ARL15: variants seen among roughly 807,000 people sequenced by gnomAD.
ARL15 encodes ADP-ribosylation factor-like protein 15.
ARL15 carries 19 observed loss-of-function variants against 25.2 expected under a neutral mutation model. The observed-to-expected ratio is 0.75, with a 90% confidence interval of 0.53 to 1.10. The LOEUF is 1.10. Among genes scored for constraint, ARL15 ranks in the 50% least tolerant of loss-of-function variants. The probability of loss-of-function intolerance (pLI) is 0.00; values close to 1 mark genes in which losing one functional copy is unlikely to be tolerated. For synonymous variants in ARL15, 94 were observed against 86.8 expected (o/e 1.08, Z -0.46); for missense variants, 220 against 246.0 (o/e 0.89, Z 0.71).
rs753138067 is a variant in ARL15, at chr5:54,059,212, C to T, written c.462+53990G>A. ...AATAGAAACACAGGAATTAAGTCAG[C>T]CAAGTGATATAACATGGCTACTTCC... On this transcript the variant is annotated intron_variant, in intron 4 of 4. Coordinates refer to ENST00000504924, the MANE Select transcript of ARL15 (RefSeq NM_019087.3). Among the ~76,000 whole-genome samples the T allele has an allele frequency of 3.5e-4, 53 of 152,154 alleles. 1 individual carries two copies. Among genetic ancestry groups the T allele is most frequent in the Admixed American group, 2.6e-4 (4 of 15,274 alleles).
At chr5:54,080,091 T>C (rs573766819) in intron 4 of ARL15, among the ~76,000 whole-genome samples, 119 of 152,294 alleles carry the variant, frequency 7.8e-4, no homozygotes, top group African/African-American at 2.7e-3. Flanking sequence ...GAGCACTTTC[T>C]ATGAACAAGG....
chr5:53,967,936 C>T (rs1265617709), intron 4 of ARL15, among the ~76,000 whole-genome samples: 1 of 152,086 alleles, frequency 6.6e-6, no homozygotes, highest in African/African-American at 2.4e-5. Flanking sequence ...AGAAGTAGTC[C>T]TGTAAAAAGC....
chr5:54,208,051 C>A (rs776110732), intron 1 of ARL15, among the ~76,000 whole-genome samples: 15 of 152,108 alleles, frequency 9.9e-5, no homozygotes, highest in Non-Finnish European at 2.1e-4. Context: ...GCTTCCCCCA[C>A]CACTGAGGCC....
At position 54,011,879 on chromosome 5, in the gene ARL15, C is replaced by T. The variant is rs192149664; in HGVS notation, c.462+101323G>A. 5.4e-3 allele frequency among the ~76,000 whole-genome samples: 818 copies of T among 152,076 alleles called. 3 individuals carry two copies. The highest frequency in any genetic ancestry group is 0.011 in the Admixed American group (167 of 15,278). Reference sequence around the variant, plus strand: ...CAAAAATTAGCTGCGTGTGGTGGCACGCACCTGTAGTCCCAGCTACTGGGG... The same window carrying T: ...CAAAAATTAGCTGCGTGTGGTGGCATGCACCTGTAGTCCCAGCTACTGGGG... On this transcript the variant is annotated intron_variant, in intron 4 of 4. Transcript: ENST00000504924.
chr5:54,188,856 T>C (rs1755315309), intron 1 of ARL15, among the ~76,000 whole-genome samples: 1 of 152,172 alleles, frequency 6.6e-6, no homozygotes, highest in Non-Finnish European at 1.5e-5. Context: ...AGCTCTCTTT[T>C]TAATCCTATT....
chr5:54,086,174 A>G (rs1023621523), intron 4 of ARL15, among the ~76,000 whole-genome samples: 1 of 152,130 alleles, frequency 6.6e-6, no homozygotes, highest in South Asian at 2.1e-4. Flanking sequence ...TCGGCCTTCC[A>G]AAGTGCTGGG....
At chr5:53,975,004 G>A (rs1747880992) in intron 4 of ARL15, among the ~76,000 whole-genome samples, 1 of 152,188 alleles carries the variant, frequency 6.6e-6, no homozygotes, top group South Asian at 2.1e-4. Flanking sequence ...CAAAGGTGCT[G>A]TGAAGGAGGC....
chr5:54,110,677 T>C (rs752953859), intron 4 of ARL15, among the ~76,000 whole-genome samples: 5 of 152,070 alleles, frequency 3.3e-5, no homozygotes, highest in Admixed American at 6.6e-5. Context: ...GCACAGGATG[T>C]GCAACACCTT....
intron 4 of ARL15, among the ~76,000 whole-genome samples, chr5:53,897,974 A>G (rs1047544142): frequency 2.0e-5 from 3 of 152,210 alleles, no homozygotes; most frequent in Non-Finnish European, 4.4e-5. Flanking sequence ...TGCACATTAC[A>G]TTATTACAAT....
intron 1 of ARL15, 40 bp downstream of exon 1, chr5:54,310,392 A>G (rs753582077): frequency 6.3e-7 from 1 of 1,595,334 alleles, no homozygotes; most frequent in Admixed American, 1.7e-5. Flanking sequence ...GGGCACGCCG[A>G]GATCCGAGAG....
At chr5:54,022,755 A>G (rs1749648883) in intron 4 of ARL15, among the ~76,000 whole-genome samples, 1 of 152,162 alleles carries the variant, frequency 6.6e-6, no homozygotes, top group South Asian at 2.1e-4. Context: ...ATATGCATGT[A>G]ATAAACGTGT....
chr5:53,979,829 T>TTGTGTGTGTG (rs70986653), intron 4 of ARL15, among the ~76,000 whole-genome samples: 2 of 143,174 alleles, frequency 1.4e-5, no homozygotes, highest in South Asian at 2.3e-4. Context: ...TTAAAGTCTT[T>TTGTGTGTGTG]TGTGTGTGTG....
intron 4 of ARL15, among the ~76,000 whole-genome samples, chr5:54,070,693 A>C (rs188711873): frequency 8.7e-4 from 132 of 151,178 alleles, no homozygotes; most frequent in Middle Eastern, 3.5e-3. Flanking sequence ...ATACAAAAAA[A>C]TATTGGCTGA....
intron 1 of ARL15, among the ~76,000 whole-genome samples, chr5:54,306,998 T>C (rs549265227): frequency 7.4e-4 from 112 of 152,346 alleles, no homozygotes; most frequent in African/African-American, 2.6e-3. Flanking sequence ...CAAAAAGCTC[T>C]GCACATTGTG....
Position 54,006,051 on chromosome 5 carries a change from CAAAAAAAAAAA to C in ARL15, c.462+107140_462+107150del, listed in dbSNP as rs56094450. On this transcript the variant is annotated intron_variant, in intron 4 of 4. Coordinates refer to ENST00000504924, the MANE Select transcript of ARL15 (RefSeq NM_019087.3). Reference sequence around the variant, plus strand: ...GGCAACAAGAGTGAAATTACATCTCCAAAAAAAAAAAAAAAAAAAAAAAAGAATGCTTTATT... The same window carrying C: ...GGCAACAAGAGTGAAATTACATCTCCAAAAAAAAAAAAAGAATGCTTTATT... Among the ~76,000 whole-genome samples, 5 of 57,568 alleles carry C rather than the reference CAAAAAAAAAAA, an allele frequency of 8.7e-5. No individual in the cohort carries two copies. In the South Asian group the frequency reaches 2.1e-3, roughly 24 times the overall value. The allele number at this position is 57,568 out of a possible 152,430, so 37.8% of individuals were successfully genotyped here.
intron 4 of ARL15, among the ~76,000 whole-genome samples, chr5:53,904,732 T>G (rs1260430545): frequency 7.1e-6 from 1 of 141,542 alleles, no homozygotes; most frequent in African/African-American, 2.6e-5. Context: ...TATTTATTTT[T>G]AGTTCCTTTT....
chr5:54,016,715 C>T (rs1439429179), intron 4 of ARL15, among the ~76,000 whole-genome samples: 1 of 152,148 alleles, frequency 6.6e-6, no homozygotes, highest in East Asian at 1.9e-4. Context: ...TCAAATGCAA[C>T]CTTATTTTCT....
rs192992724 is a variant in ARL15 at position 54,169,107 on chromosome 5, G to A, written c.193+2677C>T. Among the ~76,000 whole-genome samples the A allele has an allele frequency of 1.5e-4, 23 of 152,084 alleles. No individual in the cohort carries two copies. The East Asian group carries it at 3.7e-3, about 24-fold the overall frequency. On this transcript the variant is annotated intron_variant, in intron 2 of 4. Transcript: ENST00000504924. ...GACTAGTGCACAATTCTGGTAAAACGTATTATTAAAAAATTTCATAAAAAC... is the reference window on the plus strand; with the variant it reads ...GACTAGTGCACAATTCTGGTAAAACATATTATTAAAAAATTTCATAAAAAC...
At chr5:54,114,003 G>C (rs1020965266) in intron 3 of ARL15, among the ~76,000 whole-genome samples, 14 of 152,090 alleles carry the variant, frequency 9.2e-5, no homozygotes, top group Non-Finnish European at 1.8e-4. Context: ...GATTCTGTTT[G>C]GCTTCATAAC....
Sources: gnomAD v4.1 joint callset for allele counts (sites outside exome capture counted in the v4.1 genomes callset) on GRCh38, gnomAD v4.1.1 for gene constraint, MANE v1.5 for transcripts, NCBI Gene and HGNC (gene_info 2026-07-23, HGNC 2026-07-21) for gene names.